The following PIK3CA variants were observed in gnomAD, a reference collection of about 807,000 sequenced individuals.
The protein encoded by PIK3CA is phosphatidylinositol 4,5-bisphosphate 3-kinase catalytic subunit alpha isoform.
A neutral mutation model predicts 138.2 loss-of-function variants in PIK3CA; 27 were observed. The ratio of observed to expected loss-of-function variants is 0.20; its 90% CI spans 0.14 to 0.27. The LOEUF (loss-of-function observed/expected upper bound fraction) is 0.27. Among genes scored for constraint, PIK3CA ranks in the 10% least tolerant of loss-of-function variants. The pLI is 1.00. For missense variants in PIK3CA, 544 were observed against 1,277.4 expected (o/e 0.43, Z 8.75); for synonymous variants, 358 against 413.2 (o/e 0.87, Z 1.62).
intron 20 of PIK3CA, among the ~76,000 whole-genome samples, chr3:179,233,635 T>C (rs1365024213): frequency 6.6e-6 from 1 of 152,172 alleles, no homozygotes. Context: ...GGTCATACAC[T>C]TTGAGGAAAG....
intron 1 of PIK3CA, among the ~76,000 whole-genome samples, chr3:179,151,709 G>C (rs1049693135): frequency 1.3e-5 from 2 of 152,142 alleles, no homozygotes; most frequent in African/African-American, 4.8e-5. Context: ...TACTCCTGCA[G>C]CTCCCTTGGT....
intron 1 of PIK3CA, among the ~76,000 whole-genome samples, chr3:179,170,393 T>TG (rs1723531304): frequency 6.6e-6 from 1 of 152,188 alleles, no homozygotes; most frequent in African/African-American, 2.4e-5. Context: ...TGAATTCTAG[T>TG]GGGGGACATT....
chr3:179,161,366 TA>T (rs1723276076), intron 1 of PIK3CA, among the ~76,000 whole-genome samples: 2 of 152,282 alleles, frequency 1.3e-5, no homozygotes, highest in South Asian at 4.1e-4. Context: ...AGCACATCCA[TA>T]GACATACAAC....
chr3:179,168,056 G>A (rs1311539518), intron 1 of PIK3CA, among the ~76,000 whole-genome samples: 2 of 152,094 alleles, frequency 1.3e-5, no homozygotes, highest in Non-Finnish European at 2.9e-5. Flanking sequence ...TGTAATTAAA[G>A]TTTATCTCAG....
At chr3:179,218,099 G>T in intron 9 of PIK3CA, 111 bp from the exon 10 acceptor site, 1 of 980,382 alleles carries the variant, frequency 1.0e-6, no homozygotes, top group South Asian at 2.9e-5. Context: ...CAGTTAATTA[G>T]CAATGTAAAA....
intron 9 of PIK3CA, among the ~76,000 whole-genome samples, chr3:179,217,653 C>CA (rs1039414084): frequency 1.3e-5 from 2 of 151,908 alleles, no homozygotes; most frequent in East Asian, 3.9e-4. Context: ...TGGAATTATA[C>CA]AAAAAAATAT....
rs2108425460 is a variant in PIK3CA, at chr3:179,230,387, G to A, written c.2936+11G>A. The stretch of plus-strand genomic sequence containing the variant: ...AAGAGAATTTGAGAGGTGAGCTCGA[G>A]CAATTAAAAACACAAAATAAAGAGT... On this transcript the variant is annotated intron_variant, in intron 20 of 20. Transcript: ENST00000263967. The surrounding 1 kb of genome is among the most constrained non-coding windows in gnomAD (Gnocchi z 5.4). 6.3e-7 allele frequency: 1 copy of A among 1,575,850 alleles called. No individual in the cohort carries two copies. The highest frequency in any genetic ancestry group is 1.4e-5 in the African/African-American group (1 of 72,578).
intron 20 of PIK3CA, among the ~76,000 whole-genome samples, chr3:179,231,125 A>G (rs1725200926): frequency 6.6e-6 from 1 of 152,158 alleles, no homozygotes; most frequent in African/African-American, 2.4e-5. Context: ...AGTTGCTGCA[A>G]AAGACATTAT....
At chr3:179,203,507 C>T (rs2108392366) in intron 4 of PIK3CA, 37 bp from the exon 5 acceptor site, 1 of 1,566,060 alleles carries the variant, frequency 6.4e-7, no homozygotes, top group Non-Finnish European at 8.6e-7. Flanking sequence ...AATGAAAAAC[C>T]TTACAGGAAA....
In PIK3CA at chr3:179,220,061, A is replaced by G. The variant is rs200768351; in HGVS notation, c.2015+9A>G. Reference sequence around the variant, plus strand: ...TTCTTTTGGCATTTAAAGTAAGTCTAATTATTTTCCCATTAAATTCTTAAG... The same window carrying G: ...TTCTTTTGGCATTTAAAGTAAGTCTGATTATTTTCCCATTAAATTCTTAAG... On this transcript the variant is annotated intron_variant, in intron 13 of 20. Transcript: ENST00000263967. The surrounding 1 kb of genome is among the most constrained non-coding windows in gnomAD (Gnocchi z 4.1). 90 of 1,549,338 alleles carry G rather than the reference A, an allele frequency of 5.8e-5. No homozygotes were observed. In the African/African-American group the frequency reaches 9.4e-4, roughly 16 times the overall value.
At chr3:179,174,919 T>G (rs1328195540) in intron 1 of PIK3CA, among the ~76,000 whole-genome samples, 1 of 152,248 alleles carries the variant, frequency 6.6e-6, no homozygotes, top group African/African-American at 2.4e-5. Context: ...CTTCAATCCA[T>G]CTTTGCAATA....
At chr3:179,224,617 T>A (rs1347760363) in intron 15 of PIK3CA, 83 bp from the exon 16 acceptor site, 1 of 877,600 alleles carries the variant, frequency 1.1e-6, no homozygotes, top group Non-Finnish European at 1.7e-6. Flanking sequence ...AAAAGCTATA[T>A]TGTATTTATA....
intron 1 of PIK3CA, among the ~76,000 whole-genome samples, chr3:179,157,086 C>T (rs7621329): frequency 0.25 from 38,295 of 152,034 alleles, 5,815 homozygotes; most frequent in African/African-American, 0.42. Flanking sequence ...ACACTACTTA[C>T]AAACTCCAAT....
At position 179,235,362 on chromosome 3, in the gene PIK3CA, T is replaced by A. The variant is rs1725313732; in HGVS notation, c.*998T>A. The A allele has an allele frequency of 5.5e-6, 1 of 181,934 alleles. No individual in the cohort carries two copies. The highest frequency in any genetic ancestry group is 1.2e-5 in the Non-Finnish European group (1 of 85,404). The allele number at this position is 181,934 out of a possible 1,614,324, so 11.3% of individuals were successfully genotyped here. A position where few individuals can be genotyped will look rare whatever the true frequency, so the allele number is the denominator to read the frequency against. On this transcript the variant is annotated 3_prime_UTR_variant, in exon 21 of 21. Coordinates refer to ENST00000263967, the MANE Select transcript of PIK3CA (RefSeq NM_006218.4). ...ATATATTCTTTATTTACATGATCTG[T>A]CCCATAGTCATGCATTGTTTTGCAC...
Position 179,190,185 on chromosome 3 carries a change from C to T in PIK3CA, c.-76-8565C>T, listed in dbSNP as rs538259681. On this transcript the variant is annotated intron_variant, in intron 1 of 20. Coordinates refer to ENST00000263967, the MANE Select transcript of PIK3CA (RefSeq NM_006218.4). ...TTTCCTACTATTTCTACTGCTACCT[C>T]GCTTTGTTCAGGCCCTTGTTACATT... 1.4e-4 allele frequency among the ~76,000 whole-genome samples: 21 copies of T among 152,240 alleles called. No homozygotes were observed. The South Asian group carries it at 3.7e-3, about 27-fold the overall frequency.
intron 14 of PIK3CA, among the ~76,000 whole-genome samples, chr3:179,221,959 C>T (rs1199812384): frequency 4.0e-5 from 6 of 151,790 alleles, no homozygotes; most frequent in Admixed American, 2.0e-4. Context: ...CTGCCCACCT[C>T]GGCCTCCCAA....
chr3:179,161,039 G>T (rs1576913933), intron 1 of PIK3CA, among the ~76,000 whole-genome samples: 1 of 152,140 alleles, frequency 6.6e-6, no homozygotes, highest in African/African-American at 2.4e-5. Flanking sequence ...TTCTTCCTCG[G>T]TGTAAGAGAG....
At chr3:179,205,691 A>G (rs920033957) in intron 6 of PIK3CA, among the ~76,000 whole-genome samples, 7 of 152,242 alleles carry the variant, frequency 4.6e-5, no homozygotes, top group Non-Finnish European at 7.3e-5. Context: ...AAAAAGTAGT[A>G]TAATCCAATA....
chr3:179,154,951 G>C (rs1439273525), intron 1 of PIK3CA, among the ~76,000 whole-genome samples: 1 of 152,068 alleles, frequency 6.6e-6, no homozygotes, highest in East Asian at 1.9e-4. Context: ...AAATAAATTA[G>C]GGATTTTTAA....
Sources: gnomAD v4.1 joint callset for allele counts (sites outside exome capture counted in the v4.1 genomes callset) on GRCh38, gnomAD v4.1.1 for gene constraint, Gnocchi (gnomAD v3.1) non-coding constraint, MANE v1.5 for transcripts, NCBI Gene and HGNC (gene_info 2026-07-23, HGNC 2026-07-21) for gene names.